COL24A1: variants seen among roughly 807,000 people sequenced by gnomAD.
COL24A1 encodes the protein collagen alpha-1(XXIV) chain.
In COL24A1, 224 loss-of-function variants were observed where a neutral mutation model predicts 253.9. The observed-to-expected ratio is 0.88, with a 90% CI of 0.79 to 0.99. The LOEUF (loss-of-function observed/expected upper bound fraction) is 0.99. COL24A1 is among the 50% of genes least tolerant of loss of function. COL24A1 has a pLI of 0.00. For missense variants in COL24A1, 2,131 were observed against 2,068.5 expected (o/e 1.03, Z -0.59); for synonymous variants, 685 against 673.7 (o/e 1.02, Z -0.26).
intron 53 of COL24A1, among the ~76,000 whole-genome samples, chr1:85,764,769 G>GT (rs1473156948): frequency 6.6e-6 from 1 of 151,944 alleles, no homozygotes; most frequent in Non-Finnish European, 1.5e-5. Flanking sequence ...CCTGATGTGT[G>GT]TTTTTTTAAT....
Position 86,126,124 on chromosome 1 carries a change from A to T in COL24A1, c.212T>A (p.Leu71Ter). Residue 71 changes from leucine to a stop codon, truncating the protein, a stop_gained, in exon 3 of 60, where the codon TTA becomes TAA. Transcript: ENST00000370571. LOFTEE classifies it high-confidence loss of function. ...ATAVPSASTP[L>*]PQGVHLTESG... ...TTCTGTTAAATGGACCCCCTGAGGT[A>T]ACGGTGTAGATGCTGATGGTACAGC... 1 of 1,612,238 alleles carries T rather than the reference A, an allele frequency of 6.2e-7. No homozygotes were observed. The highest frequency in any genetic ancestry group is 1.1e-5 in the South Asian group (1 of 91,076).
chr1:85,796,718 A>C lies in COL24A1; in HGVS notation c.3952-10257T>G, dbSNP rs17128335. ...TTATATTTATTATTATGAAAAGATG[A>C]TACCCAATAAATACATGCAGTGTAC... On this transcript the variant is annotated intron_variant, in intron 47 of 59. Transcript: ENST00000370571. Among the ~76,000 whole-genome samples, 185 of 152,324 alleles carry C rather than the reference A, an allele frequency of 1.2e-3. 1 individual carries two copies. In the East Asian group the frequency reaches 0.032, roughly 26 times the overall value.
At chr1:86,010,432 T>C (rs1696383489) in intron 19 of COL24A1, among the ~76,000 whole-genome samples, 1 of 152,116 alleles carries the variant, frequency 6.6e-6, no homozygotes, top group African/African-American at 2.4e-5. Context: ...GCAAGAAAGA[T>C]TATAAAACAG....
intron 53 of COL24A1, among the ~76,000 whole-genome samples, chr1:85,770,387 C>G (rs1286053883): frequency 1.3e-5 from 2 of 150,518 alleles, no homozygotes; most frequent in Non-Finnish European, 3.0e-5. Context: ...TAAGTTTATT[C>G]TCATGGGCCT....
chr1:86,107,573 C>T (rs1037930905), intron 5 of COL24A1, among the ~76,000 whole-genome samples: 6 of 151,718 alleles, frequency 4.0e-5, no homozygotes, highest in South Asian at 2.1e-4. Flanking sequence ...TCTGCTCCGT[C>T]GCCCAGGCTG....
intron 12 of COL24A1, 67 bp downstream of exon 12, chr1:86,046,758 T>C: frequency 1.3e-6 from 2 of 1,557,874 alleles, no homozygotes; most frequent in Admixed American, 1.9e-5. Flanking sequence ...CACATTTTAA[T>C]AAGTAAGAAC....
chr1:86,034,386 T>G lies in COL24A1; in HGVS notation c.1951-463A>C, dbSNP rs1343380782. 2.0e-5 allele frequency among the ~76,000 whole-genome samples: 3 copies of G among 152,164 alleles called. No individual in the cohort carries two copies. In the East Asian group the frequency reaches 5.8e-4, roughly 29 times the overall value. On this transcript the variant is annotated intron_variant, in intron 12 of 59. Coordinates refer to ENST00000370571, the MANE Select transcript of COL24A1 (RefSeq NM_152890.7). ...TATATATACACACTTCATTTCATCTTCATAACAGGTCTATTCAATAGATAC... is the reference window on the plus strand; with the variant it reads ...TATATATACACACTTCATTTCATCTGCATAACAGGTCTATTCAATAGATAC...
At chr1:85,980,315 T>C (rs975150899) in intron 20 of COL24A1, among the ~76,000 whole-genome samples, 4 of 152,196 alleles carry the variant, frequency 2.6e-5, no homozygotes, top group Non-Finnish European at 4.4e-5. Context: ...CTATTCAACA[T>C]TGTACTGGTA....
At chr1:85,796,482 T>C (rs1246483882) in intron 47 of COL24A1, among the ~76,000 whole-genome samples, 1 of 152,184 alleles carries the variant, frequency 6.6e-6, no homozygotes, top group East Asian at 1.9e-4. Flanking sequence ...TTCACATCAT[T>C]ATAGAGAAAT....
chr1:86,106,248 T>C (rs578027713), intron 5 of COL24A1, among the ~76,000 whole-genome samples: 16 of 152,096 alleles, frequency 1.1e-4, no homozygotes, highest in Admixed American at 5.2e-4. Flanking sequence ...AAGACAGTCA[T>C]AACCAGGGAT....
intron 24 of COL24A1, among the ~76,000 whole-genome samples, chr1:85,950,247 A>C (rs1296620921): frequency 2.6e-5 from 4 of 152,206 alleles, no homozygotes; most frequent in Non-Finnish European, 5.9e-5. Context: ...ATGTCTGACA[A>C]ACAATTGGTA....
At chr1:85,900,082 C>A (rs1363267114) in intron 28 of COL24A1, among the ~76,000 whole-genome samples, 5 of 152,106 alleles carry the variant, frequency 3.3e-5, no homozygotes, top group Non-Finnish European at 5.9e-5. Flanking sequence ...ATTGGTATTG[C>A]AAATCAAGGA....
In COL24A1 at chr1:86,156,402, T is replaced by TGCATTTGTCC; in HGVS notation, c.-16_-7dup. 6.2e-7 allele frequency: 1 copy of TGCATTTGTCC among 1,611,526 alleles called. No individual in the cohort carries two copies. The highest frequency in any genetic ancestry group is 8.5e-7 in the Non-Finnish European group (1 of 1,178,834). ...CTGTGGGCTCTTAAATGCATTTGTA[T>TGCATTTGTCC]GCATTTGTCCGTGCAGCAAAGCGCT... On this transcript the variant is annotated 5_prime_UTR_variant, in exon 1 of 60. The change creates a new upstream start codon in the 5' untranslated region. Transcript: ENST00000370571.
At chr1:86,073,117 G>A (rs1701989042) in intron 7 of COL24A1, among the ~76,000 whole-genome samples, 1 of 152,188 alleles carries the variant, frequency 6.6e-6, no homozygotes, top group Non-Finnish European at 1.5e-5. Flanking sequence ...ACTGGATGGA[G>A]AATGAGTTTG....
At position 86,082,065 on chromosome 1, in the gene COL24A1, C is replaced by T. The variant is rs531733902; in HGVS notation, c.1707+7109G>A. On this transcript the variant is annotated intron_variant, in intron 7 of 59. Transcript: ENST00000370571. ...CACAAGGCAGCTTCTGTATAATCAC[C>T]CCCACTCTCTATCATAAGCCTCCTT... Among the ~76,000 whole-genome samples, 16 of 152,168 alleles carry T rather than the reference C, an allele frequency of 1.1e-4. No homozygotes were observed. The South Asian group carries it at 3.1e-3, about 30-fold the overall frequency.
chr1:86,129,411 T>C (rs1367332455), intron 2 of COL24A1, among the ~76,000 whole-genome samples: 2 of 151,744 alleles, frequency 1.3e-5, no homozygotes, highest in Non-Finnish European at 3.0e-5. Flanking sequence ...TTCTCTATCA[T>C]TAATTTTAGA....
At chr1:86,118,210 G>T (rs909254910) in intron 3 of COL24A1, among the ~76,000 whole-genome samples, 2 of 151,746 alleles carry the variant, frequency 1.3e-5, no homozygotes, top group African/African-American at 4.8e-5. Context: ...TTACAGGTGC[G>T]TGCCACCATG....
At chr1:86,089,408 T>TAACTG (rs1356683678) in intron 6 of COL24A1, among the ~76,000 whole-genome samples, 181 bp from the exon 7 acceptor site, 1 of 152,224 alleles carries the variant, frequency 6.6e-6, no homozygotes, top group Admixed American at 6.5e-5. Context: ...CAGGGCTTAA[T>TAACTG]AACTGAACTG....
intron 56 of COL24A1, 136 bp downstream of exon 56, chr1:85,745,305 G>T: frequency 2.0e-6 from 1 of 504,024 alleles, no homozygotes; most frequent in Non-Finnish European, 3.4e-6. Context: ...CTTTGTTCTT[G>T]AGAATGGTTT....
Sources: gnomAD v4.1 joint callset for allele counts (sites outside exome capture counted in the v4.1 genomes callset) on GRCh38, gnomAD v4.1.1 for gene constraint, MANE v1.5 for transcripts, NCBI Gene and HGNC (gene_info 2026-07-23, HGNC 2026-07-21) for gene names.